Variants in RNF38 observed in about 807,000 individuals in gnomAD.
RNF38 encodes the protein E3 ubiquitin-protein ligase RNF38.
RNF38 carries 15 observed loss-of-function variants against 67.2 expected under a neutral mutation model. The ratio of observed to expected loss-of-function variants is 0.22; its 90% CI spans 0.15 to 0.34. The LOEUF is 0.34. RNF38 is among the 10% of genes least tolerant of loss of function. RNF38 has a pLI of 1.00. For synonymous variants in RNF38, 220 were observed against 218.8 expected, an observed-to-expected ratio of 1.01 and a Z score of -0.05; for missense variants, 524 against 639.9, an observed-to-expected ratio of 0.82 and a Z score of 1.95.
At position 36,483,147 on chromosome 9, in the gene RNF38, A is replaced by G. The variant is rs148914181; in HGVS notation, n.241+4161T>C. Among the ~76,000 whole-genome samples the G allele has an allele frequency of 3.6e-3, 544 of 152,226 alleles. 2 individuals carry two copies. Among genetic ancestry groups the G allele is most frequent in the African/African-American group, 0.012 (485 of 41,554 alleles). ...CACGCGTGTAATCCCAACACTTTGG[A>G]AGGCCGAGGCAGGCTGATCACAGAG... On this transcript the variant is annotated intron_variant and non_coding_transcript_variant, in intron 1 of 3. Transcript: ENST00000488058.
At chr9:36,478,168 C>T (rs1441428798) in intron 1 of RNF38, among the ~76,000 whole-genome samples, 1 of 151,994 alleles carries the variant, frequency 6.6e-6, no homozygotes, top group African/African-American at 2.4e-5. Flanking sequence ...GGCGTGGTAG[C>T]TCACGCCTGT....
intron 1 of RNF38, among the ~76,000 whole-genome samples, chr9:36,466,995 A>G (rs1839874881): frequency 6.8e-6 from 1 of 147,832 alleles, no homozygotes; most frequent in Non-Finnish European, 1.5e-5. Flanking sequence ...CCTGGTCAAC[A>G]TGGCGAAACC....
At chr9:36,353,428 CCA>C in intron 6 of RNF38, 97 bp from the exon 7 acceptor site, 1 of 870,454 alleles carries the variant, frequency 1.1e-6, no homozygotes, top group Non-Finnish European at 1.6e-6. Flanking sequence ...ATTTAAAATC[CCA>C]AAATGTCTTT....
intron 1 of RNF38, among the ~76,000 whole-genome samples, chr9:36,439,790 CAAAAA>C (rs1156589143): frequency 1.3e-5 from 1 of 76,350 alleles, no homozygotes. Context: ...GACTCTGTCT[CAAAAA>C]AAAAAAAAAA....
At chr9:36,425,300 G>T (rs1587114933) in intron 1 of RNF38, among the ~76,000 whole-genome samples, 1 of 152,138 alleles carries the variant, frequency 6.6e-6, no homozygotes, top group South Asian at 2.1e-4. Context: ...TTTAAAAAAA[G>T]TTTTGGTTTG....
chr9:36,379,143 G>A lies in RNF38; in HGVS notation c.163-3016C>T, dbSNP rs548556069. 7.4e-4 allele frequency among the ~76,000 whole-genome samples: 112 copies of A among 152,234 alleles called. 4 individuals carry two copies. The South Asian group carries it at 0.023, about 31-fold the overall frequency. On this transcript the variant is annotated intron_variant, in intron 2 of 11. Coordinates refer to ENST00000259605, the MANE Select transcript of RNF38 (RefSeq NM_022781.5). ...TCGAACTCTCGACCTCAGGTGATCC[G>A]ACCGCCTTGGCCTCCCAAAGTGTTG...
chr9:36,418,195 ATTTTGTATT>A (rs1838524600), intron 2 of RNF38, among the ~76,000 whole-genome samples: 1 of 151,614 alleles, frequency 6.6e-6, no homozygotes, highest in South Asian at 2.1e-4. Flanking sequence ...GGCCCAGCTA[ATTTTGTATT>A]TTTTGTATAC....
intron 2 of RNF38, among the ~76,000 whole-genome samples, chr9:36,412,250 T>C (rs1452924838): frequency 6.6e-6 from 1 of 152,246 alleles, no homozygotes; most frequent in African/African-American, 2.4e-5. Flanking sequence ...AGCCTTTTGT[T>C]TCCCTCATCT....
At chr9:36,428,338 G>A (rs187756181) in intron 1 of RNF38, among the ~76,000 whole-genome samples, 177 of 151,760 alleles carry the variant, frequency 1.2e-3, no homozygotes, top group African/African-American at 4.1e-3. Flanking sequence ...ACTTGAACCC[G>A]GGAGGTGGAG....
chr9:36,354,188 A>ATTAT (rs1320456858), intron 6 of RNF38, among the ~76,000 whole-genome samples: 5 of 151,960 alleles, frequency 3.3e-5, no homozygotes, highest in African/African-American at 4.8e-5. Context: ...TCAGCTTTCC[A>ATTAT]TTATTTATTT....
chr9:36,390,968 A>G (rs1007039301), intron 1 of RNF38, among the ~76,000 whole-genome samples: 8 of 152,244 alleles, frequency 5.3e-5, no homozygotes, highest in African/African-American at 1.7e-4. Flanking sequence ...ACATATCTTA[A>G]GTACAGAAAG....
At chr9:36,365,938 T>C (rs1834922361) in intron 4 of RNF38, among the ~76,000 whole-genome samples, 1 of 152,098 alleles carries the variant, frequency 6.6e-6, no homozygotes, top group African/African-American at 2.4e-5. Flanking sequence ...GTGCTGGGAT[T>C]ACAGGCACGA....
intron 10 of RNF38, among the ~76,000 whole-genome samples, chr9:36,344,554 G>A (rs1270682145): frequency 1.3e-5 from 2 of 152,118 alleles, no homozygotes; most frequent in African/African-American, 4.8e-5. Flanking sequence ...TGACAGAAAT[G>A]TTCTACATCC....
chr9:36,367,625 A>G (rs1228744745), intron 4 of RNF38, among the ~76,000 whole-genome samples: 1 of 152,116 alleles, frequency 6.6e-6, no homozygotes, highest in Non-Finnish European at 1.5e-5. Flanking sequence ...TGCTGAAAAC[A>G]GCTTATTCTT....
At chr9:36,377,933 C>T (rs556180259) in intron 2 of RNF38, among the ~76,000 whole-genome samples, 20 of 151,888 alleles carry the variant, frequency 1.3e-4, no homozygotes, top group African/African-American at 4.3e-4. Context: ...TAAGGAACCA[C>T]CAACTAATCT....
chr9:36,422,141 A>G (rs1838645363), intron 2 of RNF38, among the ~76,000 whole-genome samples: 1 of 152,174 alleles, frequency 6.6e-6, no homozygotes, highest in Non-Finnish European at 1.5e-5. Context: ...CTGAGGCACA[A>G]CAATCACTTG....
intron 2 of RNF38, among the ~76,000 whole-genome samples, chr9:36,384,028 T>C (rs987196505): frequency 5.9e-5 from 9 of 152,206 alleles, no homozygotes; most frequent in African/African-American, 2.2e-4. Context: ...GGCTAGTATT[T>C]GAGTAACAGA....
intron 2 of RNF38, among the ~76,000 whole-genome samples, chr9:36,380,262 G>T (rs914949749): frequency 2.6e-5 from 4 of 152,164 alleles, no homozygotes; most frequent in African/African-American, 4.8e-5. Context: ...TGCAATGGCA[G>T]GATCTCGGCT....
At chr9:36,407,542 C>G (rs1838211546) in intron 2 of RNF38, among the ~76,000 whole-genome samples, 1 of 152,146 alleles carries the variant, frequency 6.6e-6, no homozygotes, top group African/African-American at 2.4e-5. Flanking sequence ...AGTGGAGACC[C>G]AAGGGCACAA....
Sources: gnomAD v4.1 joint callset for allele counts (sites outside exome capture counted in the v4.1 genomes callset) on GRCh38, gnomAD v4.1.1 for gene constraint, MANE v1.5 for transcripts, NCBI Gene and HGNC (gene_info 2026-07-23, HGNC 2026-07-21) for gene names.